Variants in CSMD3 observed in about 807,000 individuals in gnomAD.
CSMD3 encodes the protein CUB and sushi domain-containing protein 3.
CSMD3 carries 177 observed loss-of-function variants against 435.2 expected under a neutral mutation model. The ratio of observed to expected loss-of-function variants is 0.41; its 90% confidence interval spans 0.36 to 0.46. The LOEUF (loss-of-function observed/expected upper bound fraction) is 0.46, where lower values mean the gene tolerates loss of function less well. Ranked by LOEUF, CSMD3 falls within the 20% of genes least tolerant of loss-of-function variation. CSMD3 has a pLI of 0.34. For synonymous variants in CSMD3, 1,656 were observed against 1,520.5 expected (o/e 1.09, Z -2.07); for missense variants, 4,265 against 4,504.6 (o/e 0.95, Z 1.52).
chr8:112,225,334 G>C (rs1360370812), intron 70 of CSMD3, among the ~76,000 whole-genome samples: 1 of 151,778 alleles, frequency 6.6e-6, no homozygotes, highest in African/African-American at 2.4e-5. Flanking sequence ...CATGATTCTA[G>C]GCATTGGGTA....
At chr8:112,599,396 T>C (rs1161811880) in intron 22 of CSMD3, among the ~76,000 whole-genome samples, 1 of 143,880 alleles carries the variant, frequency 7.0e-6, no homozygotes, top group Non-Finnish European at 1.5e-5. Context: ...TGTGGAGAAA[T>C]AGGAACACTT....
chr8:112,752,144 C>T (rs1055214391), intron 13 of CSMD3, among the ~76,000 whole-genome samples: 1 of 152,154 alleles, frequency 6.6e-6, no homozygotes, highest in Non-Finnish European at 1.5e-5. Context: ...CCCTAACACA[C>T]TATTTAACCT....
intron 24 of CSMD3, among the ~76,000 whole-genome samples, chr8:112,558,874 A>T (rs1828364199): frequency 6.6e-6 from 1 of 151,960 alleles, no homozygotes; most frequent in African/African-American, 2.4e-5. Flanking sequence ...GTATAACCTT[A>T]GAAGAAAGTG....
intron 44 of CSMD3, among the ~76,000 whole-genome samples, chr8:112,336,003 C>T (rs1164243253): frequency 6.6e-6 from 1 of 152,088 alleles, no homozygotes; most frequent in Non-Finnish European, 1.5e-5. Flanking sequence ...CCTTTGACCT[C>T]CCAGGCTCAA....
At position 112,557,038 on chromosome 8, in the gene CSMD3, T is replaced by G. The variant is rs1001513748; in HGVS notation, c.4043-84A>C. The G allele has an allele frequency of 3.5e-6, 3 of 846,434 alleles. No individual in the cohort carries two copies. In the Admixed American group the frequency reaches 5.9e-5, roughly 17 times the overall value. 52.4% of individuals were successfully genotyped at this position (846,434 alleles called of 1,614,324 possible). On this transcript the variant is annotated intron_variant, in intron 24 of 70. Coordinates refer to ENST00000297405, the MANE Select transcript of CSMD3 (RefSeq NM_198123.2). ...ACAAATCATTCCTTTCCTTTACTAT[T>G]TTTGATGATTACATACTTATTCTTA...
At position 113,346,435 on chromosome 8, in the gene CSMD3, C is replaced by T. The variant is rs140989779; in HGVS notation, c.179-31642G>A. On this transcript the variant is annotated intron_variant, in intron 1 of 70. Coordinates refer to ENST00000297405, the MANE Select transcript of CSMD3 (RefSeq NM_198123.2). ...TTAAAATTGAGGAATCAAAAAGCTC[C>T]TCTGATTCTTTGTCATAATTCAAAT... is the stretch of plus-strand genomic sequence containing the variant. Among the ~76,000 whole-genome samples the T allele has an allele frequency of 4.7e-3, 720 of 152,202 alleles. 9 individuals carry two copies. The highest frequency in any genetic ancestry group is 6.8e-3 in the Non-Finnish European group (461 of 67,982).
At chr8:113,434,882 C>G (rs567928154) in intron 1 of CSMD3, among the ~76,000 whole-genome samples, 2 of 152,192 alleles carry the variant, frequency 1.3e-5, no homozygotes, top group African/African-American at 4.8e-5. Flanking sequence ...TTCCCTCCCC[C>G]TCATCTGCCC....
At chr8:113,133,472 A>C (rs953309662) in intron 4 of CSMD3, among the ~76,000 whole-genome samples, 2 of 152,152 alleles carry the variant, frequency 1.3e-5, no homozygotes, top group Non-Finnish European at 2.9e-5. Flanking sequence ...ACCCTGTGCC[A>C]GTCGGTGAGA....
chr8:112,806,804 C>G (rs2079098640), intron 12 of CSMD3, among the ~76,000 whole-genome samples: 1 of 152,192 alleles, frequency 6.6e-6, no homozygotes, highest in Admixed American at 6.5e-5. Context: ...TCACTGATAA[C>G]ATACCTGTTA....
chr8:112,689,415 AT>A (rs1412713242), intron 14 of CSMD3, among the ~76,000 whole-genome samples: 2 of 152,162 alleles, frequency 1.3e-5, no homozygotes, highest in African/African-American at 2.4e-5. Context: ...ATATAAAAAA[AT>A]GGCACCTCAT....
intron 27 of CSMD3, 122 bp downstream of exon 27, chr8:112,550,548 CT>C: frequency 1.6e-6 from 1 of 617,398 alleles, no homozygotes; most frequent in Non-Finnish European, 2.8e-6. Flanking sequence ...TATAGGAAGA[CT>C]AGAAACACGA....
At chr8:112,830,256 T>C (rs985897692) in intron 11 of CSMD3, among the ~76,000 whole-genome samples, 1 of 152,170 alleles carries the variant, frequency 6.6e-6, no homozygotes, top group African/African-American at 2.4e-5. Context: ...GCTTAAAATT[T>C]GTTAGAGCTA....
At chr8:112,861,629 G>A (rs967442514) in intron 10 of CSMD3, among the ~76,000 whole-genome samples, 2 of 151,830 alleles carry the variant, frequency 1.3e-5, no homozygotes, top group African/African-American at 2.4e-5. Context: ...TTCCACTAAG[G>A]ATTCTGTAAT....
intron 36 of CSMD3, among the ~76,000 whole-genome samples, chr8:112,389,424 A>C (rs1380411091): frequency 1.3e-5 from 2 of 152,188 alleles, no homozygotes; most frequent in Non-Finnish European, 2.9e-5. Flanking sequence ...GATAGGATTG[A>C]TTCGTTATCT....
intron 18 of CSMD3, among the ~76,000 whole-genome samples, chr8:112,653,538 T>C (rs913086438): frequency 1.3e-5 from 2 of 152,032 alleles, no homozygotes; most frequent in Non-Finnish European, 2.9e-5. Context: ...CAATACAACA[T>C]AATAAACAGA....
chr8:112,517,517 C>G (rs1038789578), intron 27 of CSMD3, among the ~76,000 whole-genome samples: 1 of 151,790 alleles, frequency 6.6e-6, no homozygotes, highest in Non-Finnish European at 1.5e-5. Context: ...TTGTTAGGAA[C>G]ATATCCGCAG....
intron 5 of CSMD3, among the ~76,000 whole-genome samples, chr8:113,044,731 C>G (rs1313611647): frequency 6.7e-6 from 1 of 149,144 alleles, no homozygotes; most frequent in African/African-American, 2.4e-5. Context: ...CTAATTTACA[C>G]CATCTCATCC....
intron 38 of CSMD3, among the ~76,000 whole-genome samples, chr8:112,355,388 G>T (rs774043989): frequency 6.6e-6 from 1 of 152,126 alleles, no homozygotes; most frequent in Non-Finnish European, 1.5e-5. Context: ...CACAGCAAAA[G>T]AAACTGTTAA....
chr8:112,269,158 A>AT (rs970285964), intron 59 of CSMD3, among the ~76,000 whole-genome samples: 2 of 152,112 alleles, frequency 1.3e-5, no homozygotes, highest in African/African-American at 4.8e-5. Context: ...GATTTAGATT[A>AT]TTTTTTATCT....
Sources: gnomAD v4.1 joint callset for allele counts (sites outside exome capture counted in the v4.1 genomes callset) on GRCh38, gnomAD v4.1.1 for gene constraint, MANE v1.5 for transcripts, NCBI Gene and HGNC (gene_info 2026-07-23, HGNC 2026-07-21) for gene names.